Variants in TMCO4 observed in about 807,000 individuals in gnomAD.
TMCO4 encodes the protein transmembrane and coiled-coil domains 4.
Under a neutral mutation model 64.7 loss-of-function variants are expected in TMCO4, and 58 were observed. That is an observed-to-expected ratio of 0.90 (90% confidence interval 0.73 to 1.12). The LOEUF (loss-of-function observed/expected upper bound fraction) is 1.12. Ranked by LOEUF, TMCO4 falls within the 50% of genes most tolerant of loss-of-function variation. The probability of loss-of-function intolerance (pLI) is 0.00; values close to 1 mark genes in which losing one functional copy is unlikely to be tolerated. For missense variants in TMCO4, 780 were observed against 825.9 expected, an observed-to-expected ratio of 0.94 and a Z score of 0.68; for synonymous variants, 325 against 346.1, an observed-to-expected ratio of 0.94 and a Z score of 0.68.
At position 19,743,642 on chromosome 1, in the gene TMCO4, G is replaced by A. The variant is rs1297844491; in HGVS notation, c.877+1890C>T. Among the ~76,000 whole-genome samples the A allele has an allele frequency of 6.6e-6, 1 of 152,078 alleles. No individual in the cohort carries two copies. The highest frequency in any genetic ancestry group is 2.4e-5 in the African/African-American group (1 of 41,370). ...ACAAATAGGGGCAAACTGAACAAGT[G>A]GGGGCAAAATGAAGAAAGGAGTTTG... On this transcript the variant is annotated intron_variant, in intron 10 of 15. Coordinates refer to ENST00000294543, the MANE Select transcript of TMCO4 (RefSeq NM_181719.7). This position sits in a 1 kb window ranked among gnomAD's most constrained non-coding sequence, Gnocchi z 4.1.
At chr1:19,794,964 T>C (rs138220245) in intron 2 of TMCO4, among the ~76,000 whole-genome samples, 1,685 of 151,952 alleles carry the variant, frequency 0.011, 31 homozygotes, top group African/African-American at 0.038. Context: ...GAAAGTAGAA[T>C]GAATGGTGGT....
intron 13 of TMCO4, among the ~76,000 whole-genome samples, chr1:19,736,428 A>G (rs1237951538): frequency 6.6e-6 from 1 of 152,054 alleles, no homozygotes; most frequent in Admixed American, 6.5e-5. Context: ...TTAAGCTCCA[A>G]TCCTTCTCTC....
intron 13 of TMCO4, 132 bp from the exon 14 acceptor site, chr1:19,701,017 T>A: frequency 1.4e-6 from 1 of 699,818 alleles, no homozygotes; most frequent in Admixed American, 2.6e-5. Flanking sequence ...GACAATCATG[T>A]GCAAATGTGC....
intron 14 of TMCO4, among the ~76,000 whole-genome samples, chr1:19,699,486 CATATATATATATAT>C (rs10587817): frequency 4.4e-5 from 6 of 136,416 alleles, no homozygotes; most frequent in African/African-American, 1.6e-4. Context: ...TTTTCATATA[CATATATATATATAT>C]ATATATATAT....
intron 14 of TMCO4, among the ~76,000 whole-genome samples, chr1:19,698,549 G>T (rs1000210539): frequency 6.6e-6 from 1 of 152,172 alleles, no homozygotes; most frequent in African/African-American, 2.4e-5. Flanking sequence ...TGTGTAGTTG[G>T]GTAGGGTTGG....
intron 13 of TMCO4, among the ~76,000 whole-genome samples, chr1:19,736,357 A>G (rs1479711571): frequency 6.6e-6 from 1 of 152,190 alleles, no homozygotes; most frequent in African/African-American, 2.4e-5. Context: ...CCCATGACCC[A>G]TGTGGATTGT....
intron 13 of TMCO4, among the ~76,000 whole-genome samples, chr1:19,704,538 C>T (rs569605866): frequency 6.6e-6 from 1 of 152,328 alleles, no homozygotes; most frequent in South Asian, 2.1e-4. Context: ...TGATCATATG[C>T]GGGTTATCGT....
At chr1:19,748,405 C>T (rs981667336) in intron 7 of TMCO4, among the ~76,000 whole-genome samples, 2 of 152,212 alleles carry the variant, frequency 1.3e-5, no homozygotes, top group Admixed American at 6.5e-5. Context: ...GGATGGCATG[C>T]TGTGCTTTCC....
chr1:19,694,051 C>T (rs963286780), intron 15 of TMCO4, among the ~76,000 whole-genome samples: 1 of 152,090 alleles, frequency 6.6e-6, no homozygotes, highest in African/African-American at 2.4e-5. Context: ...GCCTAGGCTG[C>T]AATGCAATGG....
At chr1:19,754,429 T>C (rs116231202) in intron 7 of TMCO4, among the ~76,000 whole-genome samples, 56 of 152,276 alleles carry the variant, frequency 3.7e-4, no homozygotes, top group African/African-American at 1.3e-3. Flanking sequence ...ACAAACCAAG[T>C]TTCCCCCTTT....
chr1:19,717,396 GGC>G lies in TMCO4; in HGVS notation c.1265-16513_1265-16512del, dbSNP rs144030060. ...CCCTGCACAGGTCCTGGGATGTCATGGCGTAGGTCACAGGAGACATTTGCTGG... is the reference window on the plus strand; with the variant it reads ...CCCTGCACAGGTCCTGGGATGTCATGGTAGGTCACAGGAGACATTTGCTGG... On this transcript the variant is annotated intron_variant, in intron 13 of 15. Transcript: ENST00000294543. 1.5e-3 allele frequency among the ~76,000 whole-genome samples: 226 copies of G among 152,264 alleles called. 1 individual carries two copies. Among genetic ancestry groups the G allele is most frequent in the African/African-American group, 4.1e-3 (169 of 41,538 alleles).
At chr1:19,776,631 A>T (rs2043215317) in intron 4 of TMCO4, among the ~76,000 whole-genome samples, 2 of 152,152 alleles carry the variant, frequency 1.3e-5, no homozygotes. Context: ...CCTCCTTACA[A>T]TCACCCTCTT....
intron 6 of TMCO4, among the ~76,000 whole-genome samples, chr1:19,767,516 G>A (rs1368547598): frequency 1.3e-5 from 2 of 152,246 alleles, no homozygotes; most frequent in South Asian, 2.1e-4. Context: ...AGAAGAGTCA[G>A]TGGAGATGTC....
rs115511909 is a variant in TMCO4, at chr1:19,793,216, A to C, written c.-101+4921T>G. ...CTCTCTCTCTCCTTTTTCTGATTGCAGTTGAGTTTTTAAATGATTCTGCAG... is the reference window on the plus strand; with the variant it reads ...CTCTCTCTCTCCTTTTTCTGATTGCCGTTGAGTTTTTAAATGATTCTGCAG... On this transcript the variant is annotated intron_variant, in intron 2 of 15. Transcript: ENST00000294543. Among the ~76,000 whole-genome samples the C allele has an allele frequency of 7.3e-3, 1,116 of 151,984 alleles. 15 individuals carry two copies. Among genetic ancestry groups the C allele is most frequent in the African/African-American group, 0.025 (1,050 of 41,438 alleles).
intron 13 of TMCO4, among the ~76,000 whole-genome samples, chr1:19,731,899 A>G (rs988128763): frequency 6.6e-6 from 1 of 152,084 alleles, no homozygotes; most frequent in Non-Finnish European, 1.5e-5. Context: ...CCAACTCCCC[A>G]TTTCTATGAA....
chr1:19,702,285 C>CAGAAAAAAAAAAAAAAAAAAAAAAAA (rs751695121), intron 13 of TMCO4, among the ~76,000 whole-genome samples: 1 of 102,934 alleles, frequency 9.7e-6, no homozygotes. Flanking sequence ...CTTGTCTTTA[C>CAGAAAAAAAAAAAAAAAAAAAAAAAA]AAAAAAAAAA....
rs1300520021 is a variant in TMCO4 at position 19,746,554 on chromosome 1, G to A, written c.659C>T (p.Ala220Val). The A allele has an allele frequency of 5.0e-6, 8 of 1,611,218 alleles. No homozygotes were observed. The highest frequency in any genetic ancestry group is 2.2e-5 in the South Asian group (2 of 90,410). ...LAAPLVAAGA[A>V]TIIGSAGAAA... The stretch of plus-strand genomic sequence containing the variant: ...TGCCCCGGCGCTGCCAATAATCGTC[G>A]CTGCTCCAGCGGCAACAAGGGGTGC... Residue 220 changes from alanine (A) to valine (V), a missense_variant, in exon 9 of 16, where the codon GCG (alanine) becomes GTG (valine). Physicochemically the swap from Ala to Val is moderately conservative, Grantham distance 64. Transcript: ENST00000294543.
chr1:19,763,179 G>A (rs937138905), intron 6 of TMCO4, among the ~76,000 whole-genome samples: 2 of 151,904 alleles, frequency 1.3e-5, no homozygotes, highest in Admixed American at 6.6e-5. Context: ...GGGTTCAAGC[G>A]ATTCTTGTTC....
At chr1:19,755,189 A>C (rs894674403) in intron 7 of TMCO4, among the ~76,000 whole-genome samples, 1 of 152,152 alleles carries the variant, frequency 6.6e-6, no homozygotes, top group Admixed American at 6.5e-5. Context: ...GCAGTGGCAC[A>C]ATCTTGGCTC....
Sources: gnomAD v4.1 joint callset for allele counts (sites outside exome capture counted in the v4.1 genomes callset) on GRCh38, gnomAD v4.1.1 for gene constraint, Gnocchi (gnomAD v3.1) non-coding constraint, MANE v1.5 for transcripts, NCBI Gene and HGNC (gene_info 2026-07-23, HGNC 2026-07-21) for gene names.